The following ABCA9 variants were observed in gnomAD, a reference collection of about 807,000 sequenced individuals.
The protein encoded by ABCA9 is ATP binding cassette subfamily A member 9.
ABCA9 carries 183 observed loss-of-function variants against 205.3 expected under a neutral mutation model. The ratio of observed to expected loss-of-function variants is 0.89; its 90% CI spans 0.79 to 1.01. The LOEUF is 1.01. Ranked by LOEUF, ABCA9 falls within the 50% of genes least tolerant of loss-of-function variation. The pLI is 0.00. For missense variants in ABCA9, 1,805 were observed against 1,912.4 expected, an observed-to-expected ratio of 0.94 and a Z score of 1.05; for synonymous variants, 651 against 683.3, an observed-to-expected ratio of 0.95 and a Z score of 0.74.
In ABCA9 at chr17:69,035,314, G is replaced by A; in HGVS notation, c.1060C>T (p.Leu354Phe). Residue 354 changes from leucine (L) to phenylalanine (F), a missense_variant, in exon 8 of 39, where the codon CTT (leucine) becomes TTT (phenylalanine). Coordinates refer to ENST00000340001, the MANE Select transcript of ABCA9 (RefSeq NM_080283.4). ...ILGFPALYTR[L>F]PAFLEWTLCL... ...AAAGTCCATTCCAAAAATGCAGGAA[G>A]ACGTGTATACAATGCTGGGAATCCC... The A allele has an allele frequency of 6.2e-7, 1 of 1,607,988 alleles. No homozygotes were observed. The highest frequency in any genetic ancestry group is 8.5e-7 in the Non-Finnish European group (1 of 1,176,882).
At chr17:69,033,568 T>C (rs923014694) in intron 9 of ABCA9, 158 bp downstream of exon 9, 46 of 577,948 alleles carry the variant, frequency 8.0e-5, no homozygotes, top group Non-Finnish European at 2.1e-5. Context: ...AGCCAAGTCT[T>C]AGAAAGTGAT....
At chr17:69,019,686 GATGAATGAATGTTCTCA>G (rs1262589997) in intron 19 of ABCA9, among the ~76,000 whole-genome samples, 1 of 152,108 alleles carries the variant, frequency 6.6e-6, no homozygotes, top group Admixed American at 6.5e-5. Flanking sequence ...AATATTTTTG[GATGAATGAATGTTCTCA>G]GTGAATGAGT....
At chr17:69,015,969 TTGTG>T (rs3046825) in intron 22 of ABCA9, among the ~76,000 whole-genome samples, 15,625 of 147,798 alleles carry the variant, frequency 0.11, 1,785 homozygotes, top group African/African-American at 0.29. Context: ...CAATTCTAAA[TTGTG>T]TGTGTGTGTG....
chr17:69,078,870 CTGA>C, the ABCA9 span: 1 of 647,902 alleles, frequency 1.5e-6, no homozygotes, highest in Non-Finnish European at 2.4e-6. Flanking sequence ...CAAAATATAC[CTGA>C]TGTTAATTTT....
chr17:69,011,155 T>C (rs946181604), intron 23 of ABCA9, among the ~76,000 whole-genome samples: 2 of 152,140 alleles, frequency 1.3e-5, no homozygotes, highest in Admixed American at 6.5e-5. Flanking sequence ...CTATTTCAAA[T>C]AGATGTAACT....
intron 2 of ABCA9, 55 bp downstream of exon 2, chr17:69,050,976 G>C (rs2071883340): frequency 6.6e-7 from 1 of 1,516,408 alleles, no homozygotes; most frequent in Non-Finnish European, 9.1e-7. Context: ...TATGTTGCCT[G>C]ATAAAATACT....
At chr17:69,004,490 C>T (rs1404205925) in intron 25 of ABCA9, among the ~76,000 whole-genome samples, 3 of 152,346 alleles carry the variant, frequency 2.0e-5, no homozygotes, top group Middle Eastern at 3.4e-3. Flanking sequence ...CAGCTGCGTA[C>T]TGGGAGAACC....
intron 1 of ABCA9, among the ~76,000 whole-genome samples, chr17:69,058,804 A>C (rs1598422156): frequency 6.6e-6 from 1 of 150,690 alleles, no homozygotes; most frequent in African/African-American, 2.4e-5. Context: ...CCGCCACTGC[A>C]CTCCAGCCTA....
intron 10 of ABCA9, among the ~76,000 whole-genome samples, chr17:69,030,527 T>C (rs1184906573): frequency 6.6e-6 from 1 of 152,178 alleles, no homozygotes; most frequent in African/African-American, 2.4e-5. Context: ...TATAATTCAA[T>C]TTATCGAAGA....
intron 30 of ABCA9, among the ~76,000 whole-genome samples, chr17:68,989,416 T>C (rs1440604280): frequency 6.6e-6 from 1 of 152,120 alleles, no homozygotes; most frequent in Non-Finnish European, 1.5e-5. Context: ...TAACATATTT[T>C]GATTTCAAAG....
At chr17:68,984,221 G>A in intron 34 of ABCA9, 46 bp from the exon 35 acceptor site, 2 of 1,593,242 alleles carry the variant, frequency 1.3e-6, no homozygotes, top group Non-Finnish European at 1.7e-6. Context: ...GAATGCTCAA[G>A]GTATTTGGAA....
At chr17:68,995,101 T>A (rs2144061527) in intron 26 of ABCA9, among the ~76,000 whole-genome samples, 1 of 152,356 alleles carries the variant, frequency 6.6e-6, no homozygotes, top group South Asian at 2.1e-4. Flanking sequence ...GACGTTCGTG[T>A]AGTCATAGCC....
Position 68,989,831 on chromosome 17 carries a change from A to G in ABCA9, c.3937T>C (p.Ser1313Pro). 6.3e-7 allele frequency: 1 copy of G among 1,594,536 alleles called. No individual in the cohort carries two copies. The highest frequency in any genetic ancestry group is 1.7e-5 in the Admixed American group (1 of 59,710). ...TTCCAACCTTTTTTAACACAAAAAG[A>G]GACATTTCTTGTGGCAATTTTTTTC... is the stretch of plus-strand genomic sequence containing the variant. ...RKKKIATRNV[S>P]FCVKKGEVIG... is the part of the protein sequence containing the mutation. Residue 1313 changes from serine (S) to proline (P), a missense_variant, in exon 30 of 39, where the codon TCT (serine) becomes CCT (proline). Coordinates refer to ENST00000340001, the MANE Select transcript of ABCA9 (RefSeq NM_080283.4).
chr17:69,060,961 T>G (rs2072228554), upstream of ABCA9: 1 of 985,352 alleles, frequency 1.0e-6, no homozygotes, highest in Admixed American at 6.1e-5. Flanking sequence ...GGGTCACTAC[T>G]ACATCATGCT....
In ABCA9 at chr17:69,021,881, C is replaced by G. The variant is rs752506492; in HGVS notation, c.2282-20G>C. Reference sequence around the variant, plus strand: ...AAAGTTCTAAAAGTGGATACAAAAACAGATTATAAGAATATAATTTATAAT... The same window carrying G: ...AAAGTTCTAAAAGTGGATACAAAAAGAGATTATAAGAATATAATTTATAAT... On this transcript the variant is annotated intron_variant, in intron 17 of 38. Coordinates refer to ENST00000340001, the MANE Select transcript of ABCA9 (RefSeq NM_080283.4). 2 of 1,396,386 alleles carry G rather than the reference C, an allele frequency of 1.4e-6. No individual in the cohort carries two copies. Among genetic ancestry groups the G allele is most frequent in the South Asian group, 2.9e-5 (2 of 69,776 alleles). The allele number at this position is 1,396,386 out of a possible 1,614,324, so 86.5% of individuals were successfully genotyped here.
rs555088812 is a variant in ABCA9 at position 69,057,356 on chromosome 17, G to A, written c.-14+3510C>T. On this transcript the variant is annotated intron_variant, in intron 1 of 38. Transcript: ENST00000340001. ...TTTTCAATGAGAGACAATCACCCAT[G>A]CCTGCCTGCTTATGGGCTCAGCCTT... 3.9e-5 allele frequency among the ~76,000 whole-genome samples: 6 copies of A among 152,224 alleles called. No individual in the cohort carries two copies. The South Asian group carries it at 1.1e-3, about 27-fold the overall frequency.
chr17:69,021,539 A>G (rs896346326), intron 18 of ABCA9, among the ~76,000 whole-genome samples: 2 of 152,164 alleles, frequency 1.3e-5, no homozygotes, highest in African/African-American at 2.4e-5. Context: ...GTACATTGCT[A>G]TATTCCACAG....
chr17:68,993,835 A>C (rs1209318633), intron 26 of ABCA9, among the ~76,000 whole-genome samples: 1 of 152,030 alleles, frequency 6.6e-6, no homozygotes, highest in Non-Finnish European at 1.5e-5. Flanking sequence ...ACCTCATCCA[A>C]ACTGAACCTC....
intron 6 of ABCA9, chr17:69,042,367 G>A (rs2071574379): frequency 6.6e-6 from 1 of 152,222 alleles, no homozygotes; most frequent in East Asian, 1.9e-4. Context: ...AAGAGTTTAA[G>A]TAATTTTCCA....
Sources: gnomAD v4.1 joint callset for allele counts (sites outside exome capture counted in the v4.1 genomes callset) on GRCh38, gnomAD v4.1.1 for gene constraint, MANE v1.5 for transcripts, NCBI Gene and HGNC (gene_info 2026-07-23, HGNC 2026-07-21) for gene names.